Variants in ENOX1 observed in about 807,000 individuals in gnomAD.
ENOX1 encodes ecto-NOX disulfide-thiol exchanger 1.
Under a neutral mutation model 82.5 loss-of-function variants are expected in ENOX1, and 42 were observed. The observed-to-expected ratio is 0.51, with a 90% CI of 0.40 to 0.66. The LOEUF (loss-of-function observed/expected upper bound fraction) is 0.66. Among genes scored for constraint, ENOX1 ranks in the 30% least tolerant of loss-of-function variants. The probability of loss-of-function intolerance (pLI) is 0.00; values close to 1 mark genes in which losing one functional copy is unlikely to be tolerated. For missense variants in ENOX1, 608 were observed against 811.6 expected, an observed-to-expected ratio of 0.75 and a Z score of 3.05; for synonymous variants, 271 against 282.2, an observed-to-expected ratio of 0.96 and a Z score of 0.40.
chr13:43,421,058 C>G (rs938242902), intron 3 of ENOX1, among the ~76,000 whole-genome samples: 1 of 152,114 alleles, frequency 6.6e-6, no homozygotes, highest in African/African-American at 2.4e-5. Flanking sequence ...TCAAATAACA[C>G]TTAAAAGCTC....
At chr13:43,416,222 C>T in intron 3 of ENOX1, among the ~76,000 whole-genome samples, 1 of 139,686 alleles carries the variant, frequency 7.2e-6, no homozygotes, top group African/African-American at 2.8e-5. Context: ...CAGAGGCGCT[C>T]CTCACTTCCC....
At chr13:43,546,251 TCA>T (rs1415033525) in intron 2 of ENOX1, 3 of 152,268 alleles carry the variant, frequency 2.0e-5, no homozygotes, top group African/African-American at 7.2e-5. Flanking sequence ...GGGGCAGATT[TCA>T]GCAGATTTAG....
At chr13:43,479,943 T>A (rs28495875) in intron 3 of ENOX1, among the ~76,000 whole-genome samples, 13 of 146,322 alleles carry the variant, frequency 8.9e-5, no homozygotes, top group African/African-American at 2.2e-4. Context: ...ATTTTTATTT[T>A]TTTTTTTTTG....
chr13:43,251,764 T>C (rs2043468898), intron 14 of ENOX1, among the ~76,000 whole-genome samples: 1 of 152,188 alleles, frequency 6.6e-6, no homozygotes, highest in Admixed American at 6.5e-5. Flanking sequence ...CCAAGCTGAA[T>C]TTGACCTGCT....
rs184941473 is a variant in ENOX1, at chr13:43,523,118, C to T, written c.-218-38966G>A. On this transcript the variant is annotated intron_variant, in intron 2 of 16. Coordinates refer to ENST00000690772, the MANE Select transcript of ENOX1 (RefSeq NM_001347969.2). The stretch of plus-strand genomic sequence containing the variant: ...CACCACAGTCCCTCACTCCCATCCT[C>T]TGCAAGAGTTGCTCCTTTCAAAGAT... Among the ~76,000 whole-genome samples, 566 of 152,310 alleles carry T rather than the reference C, an allele frequency of 3.7e-3. 1 individual carries two copies. The highest frequency in any genetic ancestry group is 6.3e-3 in the Non-Finnish European group (430 of 68,006).
chr13:43,437,324 G>GAGCT (rs2056092072), intron 3 of ENOX1, among the ~76,000 whole-genome samples: 1 of 152,154 alleles, frequency 6.6e-6, no homozygotes, highest in Non-Finnish European at 1.5e-5. Flanking sequence ...CACCAACCCA[G>GAGCT]AGCTAGCATC....
At chr13:43,638,996 A>G (rs1420378845) in intron 2 of ENOX1, among the ~76,000 whole-genome samples, 3 of 152,178 alleles carry the variant, frequency 2.0e-5, no homozygotes, top group African/African-American at 7.2e-5. Context: ...TAGTACTTTC[A>G]CCACAAAACA....
chr13:43,593,646 C>A (rs2081337883), intron 2 of ENOX1, among the ~76,000 whole-genome samples: 1 of 135,028 alleles, frequency 7.4e-6, no homozygotes, highest in African/African-American at 2.8e-5. Context: ...TTCCCCCACC[C>A]CCACCCTGCC....
At chr13:43,556,208 A>C (rs1205616181) in intron 2 of ENOX1, among the ~76,000 whole-genome samples, 5 of 145,822 alleles carry the variant, frequency 3.4e-5, no homozygotes, top group Non-Finnish European at 6.0e-5. Flanking sequence ...AGCAACTAAA[A>C]GAAGTTACTA....
intron 6 of ENOX1, among the ~76,000 whole-genome samples, 197 bp downstream of exon 6, chr13:43,361,082 A>G (rs2050471559): frequency 1.3e-5 from 2 of 152,166 alleles, no homozygotes; most frequent in African/African-American, 4.8e-5. Flanking sequence ...TATAGTGTGG[A>G]TTCAGCTTCT....
chr13:43,623,635 C>T (rs1193156843), intron 2 of ENOX1, among the ~76,000 whole-genome samples: 1 of 152,072 alleles, frequency 6.6e-6, no homozygotes, highest in Non-Finnish European at 1.5e-5. Flanking sequence ...TGTGTGGGTC[C>T]TCTTGGGATG....
At chr13:43,749,649 T>A (rs531605724) in intron 1 of ENOX1, among the ~76,000 whole-genome samples, 1 of 152,210 alleles carries the variant, frequency 6.6e-6, no homozygotes, top group Non-Finnish European at 1.5e-5. Flanking sequence ...ACACAACCAC[T>A]GATCTCTGAG....
intron 1 of ENOX1, among the ~76,000 whole-genome samples, chr13:43,770,679 G>A (rs866350278): frequency 4.7e-4 from 59 of 126,612 alleles, no homozygotes; most frequent in African/African-American, 1.5e-3. Context: ...TATAGTATAC[G>A]TATGTGTACA....
chr13:43,562,181 T>C (rs73476033), intron 2 of ENOX1, among the ~76,000 whole-genome samples: 2 of 152,214 alleles, frequency 1.3e-5, no homozygotes, highest in African/African-American at 4.8e-5. Flanking sequence ...TTTCAAGATA[T>C]AGACAGTACA....
chr13:43,483,202 A>G (rs923364415), intron 3 of ENOX1, among the ~76,000 whole-genome samples: 3 of 152,210 alleles, frequency 2.0e-5, no homozygotes, highest in Admixed American at 6.5e-5. Context: ...TTTGCTCTTC[A>G]TTTAGTTTTC....
At chr13:43,395,223 T>C (rs2053065022) in intron 5 of ENOX1, among the ~76,000 whole-genome samples, 2 of 152,216 alleles carry the variant, frequency 1.3e-5, no homozygotes, top group African/African-American at 4.8e-5. Flanking sequence ...TTAAATGAAA[T>C]GTTATCTCCA....
intron 14 of ENOX1, among the ~76,000 whole-genome samples, chr13:43,238,328 A>G (rs1404536731): frequency 1.3e-5 from 2 of 152,234 alleles, no homozygotes; most frequent in Non-Finnish European, 2.9e-5. Flanking sequence ...TATTATGTAG[A>G]TGGGATTAGA....
chr13:43,569,191 T>C (rs944389714), intron 2 of ENOX1, among the ~76,000 whole-genome samples: 5 of 152,198 alleles, frequency 3.3e-5, no homozygotes, highest in African/African-American at 7.2e-5. Context: ...GCTATACTGA[T>C]ATAAAAATGA....
At chr13:43,641,024 G>C (rs977757160) in intron 2 of ENOX1, among the ~76,000 whole-genome samples, 1 of 152,070 alleles carries the variant, frequency 6.6e-6, no homozygotes, top group Non-Finnish European at 1.5e-5. Flanking sequence ...GCCTTGGAAA[G>C]AGAAAGCAAA....
Sources: gnomAD v4.1 joint callset for allele counts (sites outside exome capture counted in the v4.1 genomes callset) on GRCh38, gnomAD v4.1.1 for gene constraint, MANE v1.5 for transcripts, NCBI Gene and HGNC (gene_info 2026-07-23, HGNC 2026-07-21) for gene names.